The following ZNF337 variants were observed in gnomAD, a reference collection of about 807,000 sequenced individuals.
The protein encoded by ZNF337 is zinc finger protein 337.
A neutral mutation model predicts 12.1 loss-of-function variants in ZNF337; 8 were observed. The ratio of observed to expected loss-of-function variants is 0.66; its 90% CI spans 0.39 to 1.19. The LOEUF is 1.19. Ranked by LOEUF, ZNF337 falls within the 50% of genes most tolerant of loss-of-function variation. The probability of loss-of-function intolerance (pLI) is 0.01; values close to 1 mark genes in which losing one functional copy is unlikely to be tolerated. For missense variants in ZNF337, 882 were observed against 896.6 expected (o/e 0.98, Z 0.21); for synonymous variants, 336 against 320.0 (o/e 1.05, Z -0.53).
rs1320469274 is a variant in ZNF337, at chr20:25,675,364, T to C, written c.1924A>G (p.Asn642Asp). Residue 642 changes from asparagine to aspartate, a missense_variant, in exon 5 of 5, where the codon AAT becomes GAT. Physicochemically the swap from Asn to Asp is conservative, Grantham distance 23. Coordinates refer to ENST00000252979, the MANE Select transcript of ZNF337 (RefSeq NM_015655.4). ...TGTGTCCTCTGGTGTGTGAGGAGAT[T>C]TCCCTTCCAGTTGAAGCCTCGCCCA... ...ECGRGFNWKG[N>D]LLTHQRTHSG... The C allele has an allele frequency of 1.2e-6, 2 of 1,613,640 alleles. No individual in the cohort carries two copies. The highest frequency in any genetic ancestry group is 8.5e-7 in the Non-Finnish European group (1 of 1,179,858).
intron 4 of ZNF337, among the ~76,000 whole-genome samples, chr20:25,679,822 G>A (rs999525261): frequency 1.3e-5 from 2 of 151,980 alleles, no homozygotes; most frequent in African/African-American, 4.8e-5. Flanking sequence ...CAAAGAAAAG[G>A]AAATCAGTAT....
chr20:25,679,027 A>G (rs1248653500), intron 4 of ZNF337, among the ~76,000 whole-genome samples: 1 of 152,246 alleles, frequency 6.6e-6, no homozygotes, highest in Admixed American at 6.5e-5. Context: ...TTTATAGCCA[A>G]CTGATTTTTG....
At chr20:25,687,795 C>G (rs141182510) in intron 1 of ZNF337, among the ~76,000 whole-genome samples, 1 of 152,338 alleles carries the variant, frequency 6.6e-6, no homozygotes, top group East Asian at 1.9e-4. Context: ...GAATGCATAA[C>G]TATTTTCCTA....
intron 2 of ZNF337, 60 bp from the exon 3 acceptor site, chr20:25,686,182 G>A: frequency 6.2e-7 from 1 of 1,607,942 alleles, no homozygotes. Flanking sequence ...GCAGTTGGAG[G>A]ATTCCAGGTT....
At position 25,676,167 on chromosome 20, in the gene ZNF337, T is replaced by A; in HGVS notation, c.1121A>T (p.Lys374Met). 1 of 1,614,136 alleles carries A rather than the reference T, an allele frequency of 6.2e-7. No homozygotes were observed. The highest frequency in any genetic ancestry group is 8.5e-7 in the Non-Finnish European group (1 of 1,180,016). The change falls in exon 5 of 5, where the codon AAG (lysine) becomes ATG (methionine). Residue 374 changes from lysine (K) to methionine (M), a missense_variant. Lys to Met is a moderately conservative substitution (Grantham distance 95, BLOSUM62 -1). Transcript: ENST00000252979. ...CTTACACTGCCTGCACGCAAAGGGC[T>A]TCTCCCCTGAGTGTGTCCTCTGGTG... ...ITHQRTHSGE[K>M]PFACRQCKQS...
In ZNF337 at chr20:25,675,746, T is replaced by A; in HGVS notation, c.1542A>T (p.Lys514Asn). The A allele has an allele frequency of 6.2e-7, 1 of 1,612,642 alleles. No individual in the cohort carries two copies. The highest frequency in any genetic ancestry group is 1.1e-5 in the South Asian group (1 of 90,990). The change falls in exon 5 of 5, where the codon AAA becomes AAT. Residue 514 changes from lysine (K) to asparagine (N), a missense_variant. Transcript: ENST00000252979. ...GCCCACAATCCCTGCAGAAAAAACGTTTCTCACCCAAGTGTGCCCTCAGGT... is the reference window on the plus strand; with the variant it reads ...GCCCACAATCCCTGCAGAAAAAACGATTCTCACCCAAGTGTGCCCTCAGGT... ...NKHLRAHLGEKRFFCRDCGRG... is the reference protein window; with the variant it reads ...NKHLRAHLGENRFFCRDCGRG...
intron 1 of ZNF337, among the ~76,000 whole-genome samples, chr20:25,692,325 C>T (rs1898205311): frequency 6.6e-6 from 1 of 152,102 alleles, no homozygotes; most frequent in Non-Finnish European, 1.5e-5. Flanking sequence ...GATTCTGGTA[C>T]TCTAGTTACG....
intron 1 of ZNF337, among the ~76,000 whole-genome samples, chr20:25,689,987 AAAAAC>A (rs1316307555): frequency 2.0e-5 from 3 of 152,236 alleles, no homozygotes; most frequent in African/African-American, 7.2e-5. Context: ...AAGCCACATT[AAAAAC>A]AGAAGGCAGC....
rs775871346 is a variant in ZNF337, at chr20:25,675,259, G to T, written c.2029C>A (p.Arg677=). Residue 677 remains arginine, a synonymous_variant, in exon 5 of 5, where the codon CGG becomes AGG. Transcript: ENST00000252979. ...WKRSLTRHHW[R]IHSKEKPFVC... ...AAAGGCTTCTCCTTTGAGTGTATCC[G>T]CCAGTGGTGTCTGGTGAGACTTCTC... 4 of 1,614,044 alleles carry T rather than the reference G, an allele frequency of 2.5e-6. No homozygotes were observed. In the South Asian group the frequency reaches 4.4e-5, roughly 18 times the overall value.
chr20:25,696,686 C>T (rs1042111877), intron 1 of ZNF337, 73 bp downstream of exon 1: 4 of 956,166 alleles, frequency 4.2e-6, no homozygotes, highest in African/African-American at 1.8e-5. Context: ...CCTCACGTCC[C>T]AGGCCTTCCC....
chr20:25,679,257 C>G (rs926654422), intron 4 of ZNF337, among the ~76,000 whole-genome samples: 1 of 152,054 alleles, frequency 6.6e-6, no homozygotes. Flanking sequence ...CTGGCCTAAA[C>G]TAGCCATATT....
chr20:25,686,112 G>A lies in ZNF337; in HGVS notation c.38C>T (p.Ala13Val), dbSNP rs1185013265. Residue 13 changes from alanine (A) to valine (V), a missense_variant, in exon 3 of 5, where the codon GCA becomes GTA. Physicochemically the swap from Ala to Val is moderately conservative, Grantham distance 64. Transcript: ENST00000252979. ...GAAATCCACAGTGACATCCCCAAAT[G>A]CCAAGAAAGCCTGTAACACAAAACC... ...PQGARRQAFL[A>V]FGDVTVDFTQ... is the part of the protein sequence containing the mutation. The A allele has an allele frequency of 6.2e-7, 1 of 1,613,816 alleles. No homozygotes were observed. The highest frequency in any genetic ancestry group is 8.5e-7 in the Non-Finnish European group (1 of 1,179,964).
intron 1 of ZNF337, among the ~76,000 whole-genome samples, chr20:25,693,560 C>A (rs746902686): frequency 6.6e-6 from 1 of 152,120 alleles, no homozygotes; most frequent in Non-Finnish European, 1.5e-5. Context: ...TGGTCTGCAC[C>A]ACGAATGCAG....
In ZNF337 at chr20:25,674,854, C is replaced by T. The variant is rs1379317910; in HGVS notation, c.*178G>A. 8.1e-6 allele frequency: 5 copies of T among 620,854 alleles called. No individual in the cohort carries two copies. The highest frequency in any genetic ancestry group is 1.4e-5 in the Non-Finnish European group (5 of 357,798). 38.5% of individuals were successfully genotyped at this position (620,854 alleles called of 1,614,324 possible). On this transcript the variant is annotated 3_prime_UTR_variant, in exon 5 of 5. Coordinates refer to ENST00000252979, the MANE Select transcript of ZNF337 (RefSeq NM_015655.4). Reference sequence around the variant, plus strand: ...GCATCTCTGTTCCCTAAACATTGACCTCTTTTCTCTGAATCTCTTGGGGAC... The same window carrying T: ...GCATCTCTGTTCCCTAAACATTGACTTCTTTTCTCTGAATCTCTTGGGGAC...
Position 25,675,719 on chromosome 20 carries a change from T to G in ZNF337, c.1569A>C (p.Arg523=). The G allele has an allele frequency of 6.2e-7, 1 of 1,614,106 alleles. No individual in the cohort carries two copies. Among genetic ancestry groups the G allele is most frequent in the Non-Finnish European group, 8.5e-7 (1 of 1,180,012 alleles). Residue 523 remains arginine, a synonymous_variant, in exon 5 of 5, where the codon CGA becomes CGC. Coordinates refer to ENST00000252979, the MANE Select transcript of ZNF337 (RefSeq NM_015655.4). ...EKRFFCRDCG[R]GFTLKPNLTI... is the part of the protein sequence containing the mutation. ...TGAGATTTGGCTTCAAGGTAAAGCC[T>G]CGCCCACAATCCCTGCAGAAAAAAC...
intron 1 of ZNF337, among the ~76,000 whole-genome samples, chr20:25,694,202 A>G (rs528138859): frequency 9.8e-4 from 150 of 152,334 alleles, no homozygotes; most frequent in African/African-American, 3.5e-3. Flanking sequence ...TCTGCATTCA[A>G]TCTTCACAAC....
At chr20:25,696,471 G>A (rs1203663161) in intron 1 of ZNF337, among the ~76,000 whole-genome samples, 1 of 152,174 alleles carries the variant, frequency 6.6e-6, no homozygotes, top group African/African-American at 2.4e-5. Flanking sequence ...GGGTTGCTCG[G>A]CGCCCCTGTG....
At chr20:25,691,742 T>C (rs1225021799) in intron 1 of ZNF337, among the ~76,000 whole-genome samples, 1 of 152,196 alleles carries the variant, frequency 6.6e-6, no homozygotes, top group Non-Finnish European at 1.5e-5. Context: ...AAAGGCTCAG[T>C]TGATTTTTCT....
chr20:25,689,179 C>T (rs1345289933), intron 1 of ZNF337, among the ~76,000 whole-genome samples: 1 of 151,618 alleles, frequency 6.6e-6, no homozygotes, highest in Non-Finnish European at 1.5e-5. Flanking sequence ...TGGCGAGCGC[C>T]TGTAGTCCCA....
Sources: allele counts gnomAD v4.1 joint callset (sites outside exome capture counted in the v4.1 genomes callset), GRCh38; gene constraint gnomAD v4.1.1; transcripts MANE v1.5; gene names NCBI Gene and HGNC (gene_info 2026-07-23, HGNC 2026-07-21).